The following PDGFRL variants were observed in gnomAD, a reference collection of about 807,000 sequenced individuals.
PDGFRL encodes the protein platelet derived growth factor receptor like, also known as platelet-derived growth factor receptor-like protein.
In PDGFRL, 46 loss-of-function variants were observed where a neutral mutation model predicts 37.2. The observed-to-expected ratio is 1.24, with a 90% confidence interval of 0.98 to 1.58. The LOEUF is 1.58. Among genes scored for constraint, PDGFRL ranks in the 40% most tolerant of loss-of-function variants. The probability of loss-of-function intolerance (pLI) is 0.00; values close to 1 mark genes in which losing one functional copy is unlikely to be tolerated. For missense variants in PDGFRL, 692 were observed against 467.6 expected, an observed-to-expected ratio of 1.48 and a Z score of -4.43; for synonymous variants, 251 against 184.3, an observed-to-expected ratio of 1.36 and a Z score of -2.93.
chr8:17,638,338 T>A (rs1429100149), intron 5 of PDGFRL, among the ~76,000 whole-genome samples: 1 of 152,122 alleles, frequency 6.6e-6, no homozygotes. Flanking sequence ...TTAATTTCCA[T>A]GTGTTTGTAT....
At chr8:17,601,455 GT>G (rs11330550) in intron 2 of PDGFRL, among the ~76,000 whole-genome samples, 35,677 of 146,044 alleles carry the variant, frequency 0.24, 4,764 homozygotes, top group African/African-American at 0.34. Context: ...CCCCGTTTTT[GT>G]TTTTTTTTTT....
At position 17,628,780 on chromosome 8, in the gene PDGFRL, G is replaced by C. The variant is rs779767183; in HGVS notation, c.799G>C (p.Val267Leu). 2.5e-6 allele frequency: 4 copies of C among 1,611,012 alleles called. No individual in the cohort carries two copies. Among genetic ancestry groups the C allele is most frequent in the Non-Finnish European group, 3.4e-6 (4 of 1,177,460 alleles). Residue 267 changes from valine (V) to leucine (L), a missense_variant and splice_region_variant, in exon 4 of 6, where the codon GTT becomes CTT. Coordinates refer to ENST00000251630, the MANE Select transcript of PDGFRL (RefSeq NM_001372073.1). ...CAAGTACCAGCTGCTCTATGTGGCGGGTAAGCCTGGCCACCCCTGCCTAGA... is the reference window on the plus strand; with the variant it reads ...CAAGTACCAGCTGCTCTATGTGGCGCGTAAGCCTGGCCACCCCTGCCTAGA... ...SVKYQLLYVAVPSGPPSTTIL... is the reference protein window; with the variant it reads ...SVKYQLLYVALPSGPPSTTIL...
chr8:17,595,760 C>A (rs1804039548), intron 2 of PDGFRL, among the ~76,000 whole-genome samples: 1 of 152,176 alleles, frequency 6.6e-6, no homozygotes, highest in African/African-American at 2.4e-5. Context: ...GGTTATGGGG[C>A]TGTTGAGGAG....
At chr8:17,638,974 G>A (rs1202186702) in intron 5 of PDGFRL, among the ~76,000 whole-genome samples, 1 of 151,424 alleles carries the variant, frequency 6.6e-6, no homozygotes, top group Non-Finnish European at 1.5e-5. Context: ...ACTTGAACCT[G>A]GGAGGTGGAG....
At chr8:17,618,407 G>A (rs1471898335) in intron 2 of PDGFRL, among the ~76,000 whole-genome samples, 1 of 152,136 alleles carries the variant, frequency 6.6e-6, no homozygotes, top group African/African-American at 2.4e-5. Context: ...TGCTGCATGT[G>A]TACTATTTGT....
At position 17,594,726 on chromosome 8, in the gene PDGFRL, TG is replaced by T. The variant is rs551811229; in HGVS notation, c.353+4962del. Among the ~76,000 whole-genome samples, 123 of 152,228 alleles carry T rather than the reference TG, an allele frequency of 8.1e-4. No individual in the cohort carries two copies. In the Middle Eastern group the frequency reaches 0.01, roughly 13 times the overall value. On this transcript the variant is annotated intron_variant, in intron 2 of 5. Transcript: ENST00000251630. ...CGTGCCACCATGCCTGGCTAATTTT[TG>T]TATTTTTAGTAGAGACAGGGTTTCA... is the stretch of plus-strand genomic sequence containing the variant.
chr8:17,605,700 T>C (rs1340892829), intron 2 of PDGFRL, among the ~76,000 whole-genome samples: 1 of 152,202 alleles, frequency 6.6e-6, no homozygotes, highest in East Asian at 1.9e-4. Flanking sequence ...AAAAACAAGA[T>C]AGGCTGATGT....
At chr8:17,592,911 TACATGCACACAC>T (rs775488460) in intron 2 of PDGFRL, among the ~76,000 whole-genome samples, 29,507 of 147,986 alleles carry the variant, frequency 0.2, 3,093 homozygotes, top group Non-Finnish European at 0.23. Flanking sequence ...TAAACCCACA[TACATGCACACAC>T]ACACACACAC....
chr8:17,605,688 G>C (rs1804260088), intron 2 of PDGFRL, among the ~76,000 whole-genome samples: 1 of 152,230 alleles, frequency 6.6e-6, no homozygotes, highest in African/African-American at 2.4e-5. Flanking sequence ...CATCACAGCA[G>C]TAAAAACAAG....
At chr8:17,596,836 A>G (rs566136369) in intron 2 of PDGFRL, among the ~76,000 whole-genome samples, 1 of 152,338 alleles carries the variant, frequency 6.6e-6, no homozygotes, top group East Asian at 1.9e-4. Context: ...GGCACGATGT[A>G]TTTCACACCA....
At chr8:17,583,614 T>C (rs182805675) in intron 1 of PDGFRL, among the ~76,000 whole-genome samples, 1 of 152,258 alleles carries the variant, frequency 6.6e-6, no homozygotes, top group African/African-American at 2.4e-5. Flanking sequence ...CCTAACCTCA[T>C]GTTGAAATTT....
chr8:17,612,214 C>G (rs551933792), intron 2 of PDGFRL, among the ~76,000 whole-genome samples: 2 of 152,346 alleles, frequency 1.3e-5, no homozygotes, highest in South Asian at 2.1e-4. Flanking sequence ...CTTTGTAAAA[C>G]TAACCTCCAG....
At chr8:17,630,256 G>T (rs182272297) in intron 4 of PDGFRL, among the ~76,000 whole-genome samples, 9 of 152,254 alleles carry the variant, frequency 5.9e-5, no homozygotes, top group Admixed American at 2.6e-4. Context: ...CCTTACTCTT[G>T]ACAGAACTGA....
chr8:17,608,382 C>T (rs1804330187), intron 2 of PDGFRL, among the ~76,000 whole-genome samples: 1 of 152,178 alleles, frequency 6.6e-6, no homozygotes, highest in African/African-American at 2.4e-5. Flanking sequence ...GTTGGGGGCC[C>T]TGTGAGTCAA....
chr8:17,593,003 T>C (rs1803975904), intron 2 of PDGFRL, among the ~76,000 whole-genome samples: 1 of 152,098 alleles, frequency 6.6e-6, no homozygotes, highest in African/African-American at 2.4e-5. Flanking sequence ...ATAAGTGATA[T>C]TAAACTGTCT....
At chr8:17,617,717 CA>C (rs1175801066) in intron 2 of PDGFRL, among the ~76,000 whole-genome samples, 1 of 152,210 alleles carries the variant, frequency 6.6e-6, no homozygotes, top group Non-Finnish European at 1.5e-5. Context: ...CTTCCGCCCC[CA>C]AACCTACTAA....
In PDGFRL at chr8:17,593,748, G is replaced by C. The variant is rs181140139; in HGVS notation, c.353+3983G>C. Among the ~76,000 whole-genome samples the C allele has an allele frequency of 1.4e-4, 22 of 152,142 alleles. No individual in the cohort carries two copies. In the East Asian group the frequency reaches 1.7e-3, roughly 12 times the overall value. On this transcript the variant is annotated intron_variant, in intron 2 of 5. Transcript: ENST00000251630. ...CGTCTCTACTAAAAATACAAAATTA[G>C]CTGGGCATGGTACATGACTGTAATT... is the stretch of plus-strand genomic sequence containing the variant.
At position 17,589,676 on chromosome 8, in the gene PDGFRL, G is replaced by A. The variant is rs781186056; in HGVS notation, c.264G>A (p.Ala88=). 33 of 1,613,262 alleles carry A rather than the reference G, an allele frequency of 2.0e-5. No individual in the cohort carries two copies. Among genetic ancestry groups the A allele is most frequent in the South Asian group, 6.6e-5 (6 of 91,058 alleles). ...CCGCCGCTACCCTGAGTCTGCTGGC[G>A]GGGCAAACTGTAGAGCTTCGATGTA... ...QKPAATLSLL[A]GQTVELRCKG... is the part of the protein sequence containing the mutation. Residue 88 remains alanine (A), a synonymous_variant, in exon 2 of 6, where the codon GCG becomes GCA. Transcript: ENST00000251630.
chr8:17,617,751 A>T (rs1029949973), intron 2 of PDGFRL, among the ~76,000 whole-genome samples: 1 of 152,184 alleles, frequency 6.6e-6, no homozygotes, highest in Non-Finnish European at 1.5e-5. Flanking sequence ...CAGATTGCAC[A>T]CTGGTGGTAG....
Sources: gnomAD v4.1 joint callset for allele counts (sites outside exome capture counted in the v4.1 genomes callset) on GRCh38, gnomAD v4.1.1 for gene constraint, MANE v1.5 for transcripts, NCBI Gene and HGNC (gene_info 2026-07-23, HGNC 2026-07-21) for gene names.